Variants in MAN1A1 observed in about 807,000 individuals in gnomAD.
The protein encoded by MAN1A1 is mannosidase alpha class 1A member 1, also known as mannosyl-oligosaccharide 1,2-alpha-mannosidase IA.
A neutral mutation model predicts 70.8 loss-of-function variants in MAN1A1; 29 were observed. The ratio of observed to expected loss-of-function variants is 0.41; its 90% CI spans 0.31 to 0.56. MAN1A1 has a LOEUF of 0.56. Ranked by LOEUF, MAN1A1 falls within the 20% of genes least tolerant of loss-of-function variation. The pLI, the probability that MAN1A1 is intolerant of heterozygous loss-of-function variation, is 0.29. For missense variants in MAN1A1, 747 were observed against 841.3 expected (o/e 0.89, Z 1.39); for synonymous variants, 349 against 330.1 (o/e 1.06, Z -0.62).
chr6:119,217,364 C>A (rs1774234861), intron 6 of MAN1A1, among the ~76,000 whole-genome samples: 1 of 152,122 alleles, frequency 6.6e-6, no homozygotes, highest in Admixed American at 6.6e-5. Flanking sequence ...TCACTGCAAT[C>A]TCCCCCTCCC....
chr6:119,289,848 G>T (rs1401045354), intron 5 of MAN1A1, among the ~76,000 whole-genome samples: 1 of 151,916 alleles, frequency 6.6e-6, no homozygotes, highest in Non-Finnish European at 1.5e-5. Context: ...TGAAATACTG[G>T]TTTGGGTAAG....
chr6:119,345,427 T>G (rs1408334209), intron 2 of MAN1A1, among the ~76,000 whole-genome samples: 1 of 152,236 alleles, frequency 6.6e-6, no homozygotes, highest in Non-Finnish European at 1.5e-5. Flanking sequence ...AGGGTTAATT[T>G]ACAAAATTTT....
chr6:119,302,210 G>C (rs1478138601), intron 3 of MAN1A1, 107 bp from the exon 4 acceptor site: 15 of 573,600 alleles, frequency 2.6e-5, no homozygotes, highest in Non-Finnish European at 4.1e-5. Context: ...TTATTAATAA[G>C]CAATAATATT....
rs36079118 is a variant in MAN1A1 at position 119,277,915 on chromosome 6, C to T, written c.897+12768G>A. On this transcript the variant is annotated intron_variant, in intron 5 of 12. Coordinates refer to ENST00000368468, the MANE Select transcript of MAN1A1 (RefSeq NM_005907.4). Reference sequence around the variant, plus strand: ...CTGCACAACTGCACTCCAGCCTGGGCGACAGAGCAAGACTCCATCTCAAAA... The same window carrying T: ...CTGCACAACTGCACTCCAGCCTGGGTGACAGAGCAAGACTCCATCTCAAAA... Among the ~76,000 whole-genome samples the T allele has an allele frequency of 5.6e-3, 601 of 108,104 alleles. 3 individuals carry two copies. Among genetic ancestry groups the T allele is most frequent in the Non-Finnish European group, 6.8e-3 (392 of 57,780 alleles). 70.9% of individuals were successfully genotyped at this position (108,104 alleles called of 152,430 possible).
At chr6:119,295,090 T>G (rs1772168866) in intron 4 of MAN1A1, among the ~76,000 whole-genome samples, 1 of 152,064 alleles carries the variant, frequency 6.6e-6, no homozygotes, top group African/African-American at 2.4e-5. Flanking sequence ...AACATCATGC[T>G]CCATCTCTCT....
chr6:119,228,332 C>T (rs1331084161), intron 6 of MAN1A1, among the ~76,000 whole-genome samples: 1 of 152,278 alleles, frequency 6.6e-6, no homozygotes. Flanking sequence ...CTTTGGGTAA[C>T]ACAAATGATC....
Position 119,321,763 on chromosome 6 carries a change from A to T in MAN1A1, c.604-14771T>A, listed in dbSNP as rs867005462. Among the ~76,000 whole-genome samples, 4 of 152,024 alleles carry T rather than the reference A, an allele frequency of 2.6e-5. No individual in the cohort carries two copies. The South Asian group carries it at 8.3e-4, about 32-fold the overall frequency. ...CTCCCAAGTAGGTGGGACTACAGGC[A>T]TGTACCACCATGCCTCGCTAATTTT... On this transcript the variant is annotated intron_variant, in intron 2 of 12. Transcript: ENST00000368468.
intron 6 of MAN1A1, among the ~76,000 whole-genome samples, chr6:119,209,049 C>CCACTG (rs1015659289): frequency 6.9e-6 from 1 of 144,210 alleles, no homozygotes; most frequent in African/African-American, 2.6e-5. Flanking sequence ...GAGCTGATTG[C>CCACTG]CACTGCACTC....
At chr6:119,214,655 C>A (rs1774147231) in intron 6 of MAN1A1, among the ~76,000 whole-genome samples, 2 of 152,012 alleles carry the variant, frequency 1.3e-5, no homozygotes. Flanking sequence ...GAGGCGCATA[C>A]CACCACGGCT....
intron 5 of MAN1A1, among the ~76,000 whole-genome samples, chr6:119,264,756 T>C (rs1775702760): frequency 6.6e-6 from 1 of 152,224 alleles, no homozygotes; most frequent in Non-Finnish European, 1.5e-5. Context: ...CATTTATTAC[T>C]GTTTTCTCTT....
At chr6:119,237,698 G>A (rs1365441519) in intron 6 of MAN1A1, among the ~76,000 whole-genome samples, 1 of 152,156 alleles carries the variant, frequency 6.6e-6, no homozygotes, top group Non-Finnish European at 1.5e-5. Context: ...TCTCTTGGGT[G>A]TAAAATATTG....
chr6:119,197,362 T>G (rs961889509), intron 8 of MAN1A1, among the ~76,000 whole-genome samples: 1 of 151,084 alleles, frequency 6.6e-6, no homozygotes, highest in Non-Finnish European at 1.5e-5. Flanking sequence ...AGAGCACATA[T>G]GTATTCACAA....
At position 119,283,992 on chromosome 6, in the gene MAN1A1, T is replaced by C; in HGVS notation, c.897+6691A>G. ...TCGGTTTTCTCCCTGTGTACTGGCC[T>C]GTCATTCCAATAACAAAACCGACCA... On this transcript the variant is annotated intron_variant, in intron 5 of 12. Transcript: ENST00000368468. 2.0e-5 allele frequency among the ~76,000 whole-genome samples: 3 copies of C among 152,298 alleles called. 1 individual carries two copies. The highest frequency in any genetic ancestry group is 6.8e-3 in the Middle Eastern group (2 of 294).
intron 11 of MAN1A1, among the ~76,000 whole-genome samples, chr6:119,187,696 A>AT (rs1359257550): frequency 6.6e-6 from 1 of 152,222 alleles, no homozygotes; most frequent in Non-Finnish European, 1.5e-5. Flanking sequence ...TTATCCCCTG[A>AT]ATTCCCTCCC....
chr6:119,320,208 G>A (rs368845004), intron 2 of MAN1A1, among the ~76,000 whole-genome samples: 2 of 152,066 alleles, frequency 1.3e-5, no homozygotes, highest in South Asian at 2.1e-4. Flanking sequence ...TCTTTACCTC[G>A]TGATCTGCCT....
chr6:119,290,565 T>C (rs1012234783), intron 5 of MAN1A1, 118 bp downstream of exon 5: 25 of 681,146 alleles, frequency 3.7e-5, no homozygotes, highest in African/African-American at 3.6e-4. Context: ...TACAGCTTCA[T>C]TGAAATATAA....
chr6:119,259,772 A>T (rs1775557097), intron 5 of MAN1A1, among the ~76,000 whole-genome samples: 1 of 152,174 alleles, frequency 6.6e-6, no homozygotes, highest in African/African-American at 2.4e-5. Context: ...CAGTTTCCTC[A>T]TCTACAAAAT....
chr6:119,291,530 T>G (rs1776547601), intron 4 of MAN1A1, among the ~76,000 whole-genome samples: 2 of 152,002 alleles, frequency 1.3e-5, no homozygotes, highest in African/African-American at 4.8e-5. Context: ...CCAGGGCATT[T>G]TTTTTTTCTG....
chr6:119,295,104 A>C (rs2057554), intron 4 of MAN1A1, among the ~76,000 whole-genome samples: 46,234 of 152,010 alleles, frequency 0.3, 7,410 homozygotes, highest in East Asian at 0.54. Flanking sequence ...TCTCTCTGCA[A>C]AGAAAGGCTT....
Sources: gnomAD v4.1 joint callset for allele counts (sites outside exome capture counted in the v4.1 genomes callset) on GRCh38, gnomAD v4.1.1 for gene constraint, MANE v1.5 for transcripts, NCBI Gene and HGNC (gene_info 2026-07-23, HGNC 2026-07-21) for gene names.